Variants in EPHA6 observed in about 807,000 individuals in gnomAD.
The protein encoded by EPHA6 is ephrin type-A receptor 6.
A neutral mutation model predicts 112.0 loss-of-function variants in EPHA6; 50 were observed. The observed-to-expected ratio is 0.45, with a 90% CI of 0.36 to 0.56. EPHA6 has a LOEUF of 0.56. Among genes scored for constraint, EPHA6 ranks in the 20% least tolerant of loss-of-function variants. The pLI is 0.00. For synonymous variants in EPHA6, 529 were observed against 490.7 expected (o/e 1.08, Z -1.03); for missense variants, 1,280 against 1,417.4 (o/e 0.90, Z 1.56).
chr3:97,314,185 G>A lies in EPHA6; in HGVS notation c.1606+69898G>A, dbSNP rs147870594. On this transcript the variant is annotated intron_variant, in intron 5 of 17. Transcript: ENST00000389672. ...CACCTTTGTCAAAAATTAATTGACC[G>A]TAAACATGGTGTTTATTTCTGGGCT... Among the ~76,000 whole-genome samples the A allele has an allele frequency of 5.3e-5, 8 of 151,648 alleles. No individual in the cohort carries two copies. In the East Asian group the frequency reaches 5.8e-4, roughly 11 times the overall value.
At chr3:97,559,244 C>G (rs1328057697) in intron 11 of EPHA6, among the ~76,000 whole-genome samples, 1 of 152,022 alleles carries the variant, frequency 6.6e-6, no homozygotes, top group African/African-American at 2.4e-5. Context: ...AAGACAAAAA[C>G]TTACCTCACT....
chr3:97,661,291 G>A (rs2094168369), intron 14 of EPHA6, among the ~76,000 whole-genome samples: 1 of 145,994 alleles, frequency 6.8e-6, no homozygotes, highest in South Asian at 2.2e-4. Flanking sequence ...ACGCTGGTCA[G>A]CTTACTTGGA....
intron 14 of EPHA6, among the ~76,000 whole-genome samples, chr3:97,689,736 C>G (rs191228962): frequency 1.4e-4 from 22 of 152,156 alleles, no homozygotes. Flanking sequence ...TATGACTGTA[C>G]TCTAATTTTA....
At chr3:96,835,209 A>G (rs2034333282) in intron 1 of EPHA6, among the ~76,000 whole-genome samples, 1 of 152,122 alleles carries the variant, frequency 6.6e-6, no homozygotes, top group African/African-American at 2.4e-5. Context: ...AGATACAAAT[A>G]TGAGTAAATT....
chr3:97,269,443 T>C (rs993635109), intron 5 of EPHA6, among the ~76,000 whole-genome samples: 1 of 152,196 alleles, frequency 6.6e-6, no homozygotes, highest in Non-Finnish European at 1.5e-5. Flanking sequence ...GAACACCTCA[T>C]TAAAATGCAC....
intron 3 of EPHA6, among the ~76,000 whole-genome samples, chr3:97,119,799 T>G (rs1307611031): frequency 2.6e-5 from 4 of 151,988 alleles, no homozygotes; most frequent in Non-Finnish European, 5.9e-5. Flanking sequence ...GTCAAATGGT[T>G]TATGGTAAAC....
intron 3 of EPHA6, among the ~76,000 whole-genome samples, chr3:97,159,615 A>G (rs986388029): frequency 6.6e-6 from 1 of 152,094 alleles, no homozygotes; most frequent in Non-Finnish European, 1.5e-5. Flanking sequence ...ACCCTGTAAG[A>G]TATTGCTACC....
intron 5 of EPHA6, among the ~76,000 whole-genome samples, chr3:97,287,722 T>C (rs1184141041): frequency 6.6e-6 from 1 of 152,192 alleles, no homozygotes; most frequent in Non-Finnish European, 1.5e-5. Flanking sequence ...TATTAATATG[T>C]GTATGTTGAA....
intron 4 of EPHA6, among the ~76,000 whole-genome samples, chr3:97,230,972 T>G (rs970843768): frequency 9.2e-5 from 14 of 152,148 alleles, no homozygotes; most frequent in African/African-American, 3.1e-4. Flanking sequence ...AGATACAAAT[T>G]TTCCATAGGA....
chr3:97,024,098 C>T (rs1018474706), intron 3 of EPHA6, among the ~76,000 whole-genome samples: 2 of 152,046 alleles, frequency 1.3e-5, no homozygotes, highest in Non-Finnish European at 2.9e-5. Flanking sequence ...AGTCCTAATA[C>T]AAATAAATAT....
chr3:97,235,841 A>T (rs1285387974), intron 4 of EPHA6, among the ~76,000 whole-genome samples: 1 of 152,118 alleles, frequency 6.6e-6, no homozygotes, highest in African/African-American at 2.4e-5. Flanking sequence ...TATTCCAGTT[A>T]TACCAGTTAC....
chr3:97,480,687 C>T (rs1251339113), intron 9 of EPHA6, among the ~76,000 whole-genome samples: 1 of 152,214 alleles, frequency 6.6e-6, no homozygotes, highest in African/African-American at 2.4e-5. Flanking sequence ...ACATTTCCCC[C>T]TTTTCTATTT....
chr3:97,361,700 T>C (rs1337262569), intron 5 of EPHA6, among the ~76,000 whole-genome samples: 1 of 152,134 alleles, frequency 6.6e-6, no homozygotes, highest in Non-Finnish European at 1.5e-5. Context: ...CATTAATCCA[T>C]CAACCCATTA....
At chr3:97,555,642 C>T (rs2093095944) in intron 11 of EPHA6, among the ~76,000 whole-genome samples, 1 of 152,114 alleles carries the variant, frequency 6.6e-6, no homozygotes, top group South Asian at 2.1e-4. Context: ...GATTGTATCT[C>T]ATTGTGGTTT....
chr3:97,643,833 AT>A (rs1162168194), intron 14 of EPHA6, among the ~76,000 whole-genome samples: 12 of 150,894 alleles, frequency 8.0e-5, no homozygotes, highest in African/African-American at 2.9e-4. Flanking sequence ...CCACACATTA[AT>A]AATGGGAGAC....
chr3:97,020,617 A>G (rs940604536), intron 3 of EPHA6, among the ~76,000 whole-genome samples: 3 of 152,020 alleles, frequency 2.0e-5, no homozygotes, highest in African/African-American at 4.8e-5. Context: ...GCTATTATCC[A>G]GACTGGAGCA....
chr3:96,950,402 A>T (rs1022481399), intron 2 of EPHA6, among the ~76,000 whole-genome samples: 3 of 152,132 alleles, frequency 2.0e-5, no homozygotes, highest in African/African-American at 7.2e-5. Flanking sequence ...TACTGGTGTA[A>T]GCCTCTTTGC....
At chr3:97,461,078 C>CA (rs1462310398) in intron 7 of EPHA6, among the ~76,000 whole-genome samples, 3 of 152,104 alleles carry the variant, frequency 2.0e-5, no homozygotes, top group Non-Finnish European at 4.4e-5. Context: ...TAACTATCAC[C>CA]ATAATCCTAA....
chr3:97,270,141 A>C (rs1209482854), intron 5 of EPHA6, among the ~76,000 whole-genome samples: 1 of 152,230 alleles, frequency 6.6e-6, no homozygotes, highest in Non-Finnish European at 1.5e-5. Flanking sequence ...TAATGATCAC[A>C]TTTTAAAATG....
Sources: allele counts gnomAD v4.1 joint callset (sites outside exome capture counted in the v4.1 genomes callset), GRCh38; gene constraint gnomAD v4.1.1; transcripts MANE v1.5; gene names NCBI Gene and HGNC (gene_info 2026-07-23, HGNC 2026-07-21).